Variants in ADCY3 observed in about 807,000 individuals in gnomAD.
The protein encoded by ADCY3 is adenylate cyclase type 3.
In ADCY3, 70 loss-of-function variants were observed where a neutral mutation model predicts 119.4. The observed-to-expected ratio is 0.59, with a 90% confidence interval of 0.48 to 0.72. The LOEUF (loss-of-function observed/expected upper bound fraction) is 0.72. Among genes scored for constraint, ADCY3 ranks in the 30% least tolerant of loss-of-function variants. The probability of loss-of-function intolerance (pLI) is 0.00; values close to 1 mark genes in which losing one functional copy is unlikely to be tolerated. For synonymous variants in ADCY3, 672 were observed against 621.4 expected (o/e 1.08, Z -1.21); for missense variants, 1,238 against 1,541.6 (o/e 0.80, Z 3.30).
intron 11 of ADCY3, 58 bp from the exon 12 acceptor site, chr2:24,831,807 G>T: frequency 7.5e-7 from 1 of 1,331,152 alleles, no homozygotes; most frequent in Non-Finnish European, 1.1e-6. Context: ...ATGGGGTGAG[G>T]GGCTAGGAGA....
At chr2:24,826,216 G>A in intron 15 of ADCY3, 90 bp from the exon 16 acceptor site, 1 of 1,162,758 alleles carries the variant, frequency 8.6e-7, no homozygotes, top group South Asian at 1.3e-5. Context: ...GCTGCTTCCT[G>A]CCACCCCAGC....
chr2:24,830,869 C>T (rs756943175), intron 12 of ADCY3, 44 bp from the exon 13 acceptor site: 2 of 1,489,396 alleles, frequency 1.3e-6, no homozygotes, highest in Non-Finnish European at 1.9e-6. Context: ...TTTGCCAGTC[C>T]TTTCTCCTGC....
At chr2:24,902,209 T>C (rs1240068257) in intron 2 of ADCY3, among the ~76,000 whole-genome samples, 1 of 151,312 alleles carries the variant, frequency 6.6e-6, no homozygotes, top group East Asian at 1.9e-4. Flanking sequence ...GTCTCCCTAG[T>C]GTCTGGGACC....
chr2:24,902,718 C>T (rs1216733214), intron 2 of ADCY3, among the ~76,000 whole-genome samples: 2 of 152,114 alleles, frequency 1.3e-5, no homozygotes, highest in East Asian at 3.9e-4. Context: ...TGATCCACCT[C>T]CACTTAATGA....
chr2:24,891,090 G>A (rs1465865733), intron 2 of ADCY3, among the ~76,000 whole-genome samples: 1 of 152,034 alleles, frequency 6.6e-6, no homozygotes, highest in African/African-American at 2.4e-5. Context: ...GGCTGGTCTC[G>A]AACTCCTGAC....
In ADCY3 at chr2:24,829,570, G is replaced by A. The variant is rs558872604; in HGVS notation, c.2172+1139C>T. On this transcript the variant is annotated intron_variant, in intron 13 of 21. Transcript: ENST00000679454. Reference sequence around the variant, plus strand: ...TGAGTAGCTGGGACTACAGGCGCCTGCCACCACGCCCGGCTAATTTTTTTG... The same window carrying A: ...TGAGTAGCTGGGACTACAGGCGCCTACCACCACGCCCGGCTAATTTTTTTG... Among the ~76,000 whole-genome samples the A allele has an allele frequency of 2.1e-3, 321 of 151,444 alleles. 2 individuals carry two copies. Among genetic ancestry groups the A allele is most frequent in the East Asian group, 0.012 (61 of 5,090 alleles).
intron 3 of ADCY3, among the ~76,000 whole-genome samples, chr2:24,861,618 T>C (rs187728121): frequency 6.6e-6 from 1 of 152,302 alleles, no homozygotes; most frequent in African/African-American, 2.4e-5. Context: ...AACGGGGTCA[T>C]GCAGCCTCTA....
intron 2 of ADCY3, among the ~76,000 whole-genome samples, chr2:24,912,599 GTGTGCA>G (rs1416213216): frequency 2.4e-5 from 1 of 41,072 alleles, no homozygotes; most frequent in Non-Finnish European, 4.5e-5. Context: ...GTGTGTGTGT[GTGTGCA>G]TGTGTGTGTG....
At chr2:24,900,601 A>T (rs1234985715) in intron 2 of ADCY3, among the ~76,000 whole-genome samples, 1 of 152,056 alleles carries the variant, frequency 6.6e-6, no homozygotes, top group Non-Finnish European at 1.5e-5. Context: ...ACACCTAGAG[A>T]AAGTGCCCAG....
chr2:24,867,797 T>G (rs767571590), intron 3 of ADCY3, among the ~76,000 whole-genome samples: 1 of 152,108 alleles, frequency 6.6e-6, no homozygotes, highest in Non-Finnish European at 1.5e-5. Flanking sequence ...GTAAAGAATA[T>G]TAATAAGAAT....
chr2:24,875,558 G>A (rs1675580648), intron 2 of ADCY3, among the ~76,000 whole-genome samples: 3 of 152,346 alleles, frequency 2.0e-5, no homozygotes, highest in Admixed American at 1.3e-4. Context: ...AGAGGCTCCC[G>A]ACAGGGTCAC....
chr2:24,897,517 G>A (rs1366456900), intron 2 of ADCY3, among the ~76,000 whole-genome samples: 1 of 152,130 alleles, frequency 6.6e-6, no homozygotes, highest in Non-Finnish European at 1.5e-5. Flanking sequence ...TCTCCCCAGG[G>A]TTGGGGAGAG....
chr2:24,840,558 C>T (rs140511261), intron 6 of ADCY3: 11 of 468,292 alleles, frequency 2.3e-5, no homozygotes, highest in East Asian at 1.4e-4. Context: ...GCCGCCCCCT[C>T]GGAGAAGGGG....
Position 24,842,892 on chromosome 2 carries a change from C to T in ADCY3, c.826-508G>A, listed in dbSNP as rs770877111. Among the ~76,000 whole-genome samples, 3 of 152,206 alleles carry T rather than the reference C, an allele frequency of 2.0e-5. No homozygotes were observed. The highest frequency in any genetic ancestry group is 2.9e-5 in the Non-Finnish European group (2 of 68,038). ...CCACCTCAGAGAGCGGAGGGTCTCA[C>T]GGGGACACAGGTAACCATGCCCAGC... On this transcript the variant is annotated intron_variant, in intron 3 of 21. Transcript: ENST00000679454. The surrounding 1 kb of genome is among the most constrained non-coding windows in gnomAD (Gnocchi z 4.9).
intron 2 of ADCY3, among the ~76,000 whole-genome samples, chr2:24,894,489 A>C (rs934216012): frequency 6.6e-6 from 1 of 152,184 alleles, no homozygotes; most frequent in African/African-American, 2.4e-5. Context: ...AACTAGTAAC[A>C]ATAAATAAAG....
chr2:24,889,290 A>G (rs561682134), intron 2 of ADCY3, among the ~76,000 whole-genome samples: 2 of 152,264 alleles, frequency 1.3e-5, no homozygotes, highest in African/African-American at 4.8e-5. Context: ...GAAAGCACAA[A>G]ATCTCAGAGC....
At chr2:24,892,037 C>A (rs1008376250) in intron 2 of ADCY3, among the ~76,000 whole-genome samples, 2 of 152,216 alleles carry the variant, frequency 1.3e-5, no homozygotes, top group African/African-American at 4.8e-5. Flanking sequence ...CCTCAAAGCA[C>A]TGCTTTGTCT....
intron 2 of ADCY3, among the ~76,000 whole-genome samples, chr2:24,913,626 T>A (rs528724499): frequency 5.3e-5 from 8 of 152,280 alleles, no homozygotes; most frequent in African/African-American, 1.7e-4. Context: ...TTAAATGGGA[T>A]GAGGTGCATG....
In ADCY3 at chr2:24,842,133, G is replaced by C; in HGVS notation, c.956+121C>G. ...TCCGCCAGGCTGATGAATGCTGTGG[G>C]AGGCCTTGCTTCTAGTCCCTGGAAA... is the stretch of plus-strand genomic sequence containing the variant. On this transcript the variant is annotated intron_variant, in intron 4 of 21. Coordinates refer to ENST00000679454, the MANE Select transcript of ADCY3 (RefSeq NM_004036.5). The surrounding 1 kb of genome is among the most constrained non-coding windows in gnomAD (Gnocchi z 4.9). 7.2e-7 allele frequency: 1 copy of C among 1,384,140 alleles called. No homozygotes were observed. The highest frequency in any genetic ancestry group is 9.9e-7 in the Non-Finnish European group (1 of 1,010,628). 85.7% of individuals were successfully genotyped at this position (1,384,140 alleles called of 1,614,324 possible). A position where few individuals can be genotyped will look rare whatever the true frequency, so the allele number is the denominator to read the frequency against.
Sources: allele counts gnomAD v4.1 joint callset (sites outside exome capture counted in the v4.1 genomes callset), GRCh38; gene constraint gnomAD v4.1.1; non-coding constraint Gnocchi (gnomAD v3.1); transcripts MANE v1.5; gene names NCBI Gene and HGNC (gene_info 2026-07-23, HGNC 2026-07-21).